Variants in FGFR3 observed in about 807,000 individuals in gnomAD.
FGFR3 encodes fibroblast growth factor receptor 3.
FGFR3 carries 25 observed loss-of-function variants against 82.9 expected under a neutral mutation model. The observed-to-expected ratio is 0.30, with a 90% CI of 0.22 to 0.42. The LOEUF (loss-of-function observed/expected upper bound fraction) is 0.42. FGFR3 is among the 10% of genes least tolerant of loss of function. The pLI is 1.00. For synonymous variants in FGFR3, 620 were observed against 516.0 expected (o/e 1.20, Z -2.73); for missense variants, 1,026 against 1,161.0 (o/e 0.88, Z 1.69).
In FGFR3 at chr4:1,804,813, G is replaced by A. The variant is rs1721671084; in HGVS notation, c.1267-11G>A. The A allele has an allele frequency of 6.5e-7, 1 of 1,549,450 alleles. No individual in the cohort carries two copies. Among genetic ancestry groups the A allele is most frequent in the Non-Finnish European group, 8.7e-7 (1 of 1,146,928 alleles). On this transcript the variant is annotated splice_polypyrimidine_tract_variant and intron_variant, in intron 9 of 17. Coordinates refer to ENST00000440486, the MANE Select transcript of FGFR3 (RefSeq NM_000142.5). ...CACGCGGCGCCAACCTGCCCCTGCTGACCCAAGCAGGTGTCCCTGGAGTCC... is the reference window on the plus strand; with the variant it reads ...CACGCGGCGCCAACCTGCCCCTGCTAACCCAAGCAGGTGTCCCTGGAGTCC...
At position 1,801,547 on chromosome 4, in the gene FGFR3, C is replaced by T. The variant is rs780810190; in HGVS notation, c.615+11C>T. ...ATTGGAGGCATCAAGGTGGGCGCGG[C>T]GGGGTGGCTCTGGGCCTGGCAGGCG... On this transcript the variant is annotated intron_variant, in intron 5 of 17. Transcript: ENST00000440486. 2.3e-5 allele frequency: 37 copies of T among 1,577,656 alleles called. No individual in the cohort carries two copies. Among genetic ancestry groups the T allele is most frequent in the Middle Eastern group, 1.7e-4 (1 of 6,018 alleles).
chr4:1,795,279 T>C (rs1230432951), intron 2 of FGFR3, among the ~76,000 whole-genome samples: 1 of 152,046 alleles, frequency 6.6e-6, no homozygotes, highest in Non-Finnish European at 1.5e-5. Flanking sequence ...GGCTTTCGCA[T>C]TCTCATTCAG....
Position 1,794,019 on chromosome 4 carries a change from C to A in FGFR3, c.85C>A (p.Gln29Lys). The A allele has an allele frequency of 7.0e-7, 1 of 1,420,264 alleles. No homozygotes were observed. The highest frequency in any genetic ancestry group is 9.3e-7 in the Non-Finnish European group (1 of 1,075,234). The allele number at this position is 1,420,264 out of a possible 1,614,324, so 88.0% of individuals were successfully genotyped here. Reference protein sequence around the residue: ...GASSESLGTEQRVVGRAAEVP... With the variant: ...GASSESLGTEKRVVGRAAEVP... The stretch of plus-strand genomic sequence containing the variant: ...CTCCTCGGAGTCCTTGGGGACGGAG[C>A]AGCGCGTCGTGGGGCGAGCGGCAGG... Residue 29 changes from glutamine (Q) to lysine (K), a missense_variant, in exon 2 of 18, where the codon CAG becomes AAG. Physicochemically the swap from Gln to Lys is moderately conservative, Grantham distance 53 (BLOSUM62 1). Transcript: ENST00000440486.
chr4:1,807,487 G>A lies in FGFR3; in HGVS notation c.*225G>A, dbSNP rs768684592. Reference sequence around the variant, plus strand: ...GTGCAGAGGTACCCTGGGTGTCCCCGCTGCTGTGCAACGGTCTCCTGACTG... The same window carrying A: ...GTGCAGAGGTACCCTGGGTGTCCCCACTGCTGTGCAACGGTCTCCTGACTG... On this transcript the variant is annotated 3_prime_UTR_variant, in exon 18 of 18. Coordinates refer to ENST00000440486, the MANE Select transcript of FGFR3 (RefSeq NM_000142.5). 6 of 738,330 alleles carry A rather than the reference G, an allele frequency of 8.1e-6. No homozygotes were observed. The highest frequency in any genetic ancestry group is 5.2e-5 in the African/African-American group (3 of 57,900). 45.7% of individuals were successfully genotyped at this position (738,330 alleles called of 1,614,324 possible).
chr4:1,803,124 G>GCGCCCTGCA, intron 7 of FGFR3: 20 of 1,462,038 alleles, frequency 1.4e-5, no homozygotes, highest in Non-Finnish European at 1.7e-5. Flanking sequence ...CCCTGGCCGC[G>GCGCCCTGCA]CGCCCTGCAC....
chr4:1,804,614 C>T, intron 9 of FGFR3, 94 bp downstream of exon 9: 2 of 1,545,766 alleles, frequency 1.3e-6, no homozygotes, highest in East Asian at 2.2e-5. Flanking sequence ...CTGTGTGAGC[C>T]CTCTCTGCAG....
At chr4:1,799,716 G>T (rs779411548) in intron 3 of FGFR3, 31 bp from the exon 4 acceptor site, 1 of 1,611,862 alleles carries the variant, frequency 6.2e-7, no homozygotes, top group Non-Finnish European at 8.5e-7. Flanking sequence ...GGGCAGGTTG[G>T]GCATTGGTTG....
At chr4:1,805,028 G>C (rs2108800794) in intron 10 of FGFR3, 59 bp downstream of exon 10, 1 of 1,501,182 alleles carries the variant, frequency 6.7e-7, no homozygotes, top group Middle Eastern at 2.2e-4. Flanking sequence ...GGGTGAAACA[G>C]CCACCAGTCA....
rs1360883453 is a variant in FGFR3 at position 1,808,628 on chromosome 4, G to A, written c.*1366G>A. 6 of 231,228 alleles carry A rather than the reference G, an allele frequency of 2.6e-5. No individual in the cohort carries two copies. The highest frequency in any genetic ancestry group is 1.1e-4 in the African/African-American group (5 of 45,122). The allele number at this position is 231,228 out of a possible 1,614,324, so 14.3% of individuals were successfully genotyped here. A position where few individuals can be genotyped will look rare whatever the true frequency, so the allele number is the denominator to read the frequency against. ...TACGCAATGCTTCTAGAGTTTTATA[G>A]CCTGGACTGCTACCTTTCAAAGCTT... is the stretch of plus-strand genomic sequence containing the variant. On this transcript the variant is annotated 3_prime_UTR_variant, in exon 18 of 18. Coordinates refer to ENST00000440486, the MANE Select transcript of FGFR3 (RefSeq NM_000142.5).
chr4:1,807,788 G>A lies in FGFR3; in HGVS notation c.*526G>A, dbSNP rs969831438. 1.5e-5 allele frequency: 8 copies of A among 524,480 alleles called. No homozygotes were observed. Among genetic ancestry groups the A allele is most frequent in the Non-Finnish European group, 2.6e-5 (7 of 272,182 alleles). The allele number at this position is 524,480 out of a possible 1,614,324, so 32.5% of individuals were successfully genotyped here. ...TTCCCACTTCCCACCCTGCCCCTCA[G>A]AGACTGAAATTACGGGTACCTGAAG... On this transcript the variant is annotated 3_prime_UTR_variant, in exon 18 of 18. Coordinates refer to ENST00000440486, the MANE Select transcript of FGFR3 (RefSeq NM_000142.5).
rs753484067 is a variant in FGFR3 at position 1,804,993 on chromosome 4, T to C, written c.1412+24T>C. ...CGGTCAGTGGTGCTGAGGGCCAGCGTTGGCTGTAGGGGGCTTGGTGGTGGG... is the reference window on the plus strand; with the variant it reads ...CGGTCAGTGGTGCTGAGGGCCAGCGCTGGCTGTAGGGGGCTTGGTGGTGGG... On this transcript the variant is annotated intron_variant, in intron 10 of 17. Transcript: ENST00000440486. The C allele has an allele frequency of 3.9e-6, 6 of 1,537,364 alleles. No homozygotes were observed. In the Admixed American group the frequency reaches 9.9e-5, roughly 25 times the overall value.
intron 2 of FGFR3, among the ~76,000 whole-genome samples, chr4:1,797,702 A>C (rs918459096): frequency 6.6e-6 from 1 of 152,172 alleles, no homozygotes; most frequent in Non-Finnish European, 1.5e-5. Flanking sequence ...GCTGGAGGTC[A>C]GGCCAGGAGC....
At chr4:1,797,442 A>C (rs1034821431) in intron 2 of FGFR3, among the ~76,000 whole-genome samples, 2 of 152,158 alleles carry the variant, frequency 1.3e-5, no homozygotes, top group African/African-American at 2.4e-5. Flanking sequence ...GCAGATGGCC[A>C]CTGGTGTGGC....
rs1269493186 is a variant in FGFR3, at chr4:1,805,733, G to A, written c.1646-17G>A. 16 of 1,612,146 alleles carry A rather than the reference G, an allele frequency of 9.9e-6. No homozygotes were observed. The Middle Eastern group carries it at 5.0e-4, about 50-fold the overall frequency. On this transcript the variant is annotated splice_polypyrimidine_tract_variant and intron_variant, in intron 12 of 17. Coordinates refer to ENST00000440486, the MANE Select transcript of FGFR3 (RefSeq NM_000142.5). ...CTCCTGGGCCTGGCAGCCCGTCTGA[G>A]GAGCCCGTGTCCCCAGGGCCCCTGT... is the stretch of plus-strand genomic sequence containing the variant.
At position 1,805,472 on chromosome 4, in the gene FGFR3, G is replaced by T; in HGVS notation, c.1530G>T (p.Leu510=). 6.2e-7 allele frequency: 1 copy of T among 1,612,222 alleles called. No individual in the cohort carries two copies. Among genetic ancestry groups the T allele is most frequent in the Non-Finnish European group, 8.5e-7 (1 of 1,179,510 alleles). ...AKPVTVAVKM[L]KDDATDKDLS... ...CTGTCACCGTAGCCGTGAAGATGCT[G>T]AAAGGTGAGGAGGGGGCGGCCAGGG... is the stretch of plus-strand genomic sequence containing the variant. Residue 510 remains leucine, a synonymous_variant, in exon 11 of 18, where the codon CTG becomes CTT. Transcript: ENST00000440486.
intron 2 of FGFR3, among the ~76,000 whole-genome samples, chr4:1,798,312 T>A (rs1336586990): frequency 6.6e-6 from 1 of 151,798 alleles, no homozygotes; most frequent in Non-Finnish European, 1.5e-5. Context: ...GGTCGTCCTC[T>A]GTGAGGGGGC....
chr4:1,803,300 TGCCCACCGGGCCG>T, intron 7 of FGFR3: 3 of 532,190 alleles, frequency 5.6e-6, no homozygotes, highest in Non-Finnish European at 9.5e-6. Flanking sequence ...AGGTGCCCGG[TGCCCACCGGGCCG>T]GCTCCGTGCC....
At position 1,807,400 on chromosome 4, in the gene FGFR3, CGTGTGTGTGT is replaced by C. The variant is rs34562534; in HGVS notation, c.*148_*157del. 24 of 886,222 alleles carry C rather than the reference CGTGTGTGTGT, an allele frequency of 2.7e-5. No homozygotes were observed. Among genetic ancestry groups the C allele is most frequent in the Middle Eastern group, 2.9e-4 (1 of 3,498 alleles). 54.9% of individuals were successfully genotyped at this position (886,222 alleles called of 1,614,324 possible). On this transcript the variant is annotated 3_prime_UTR_variant, in exon 18 of 18. Transcript: ENST00000440486. ...GCTTTGGTCTGTGTGTGTGTGTGTGCGTGTGTGTGTGTGTGTGTGCACATCCGCGTGTGCC... is the reference window on the plus strand; with the variant it reads ...GCTTTGGTCTGTGTGTGTGTGTGTGCGTGTGTGTGCACATCCGCGTGTGCC...
At position 1,803,889 on chromosome 4, in the gene FGFR3, C is replaced by T. The variant is rs985500040; in HGVS notation, c.1075+53C>T. ...CCGCACTGTCTGGGGGACGCTGGCTCGGGACACGCCAAAGCTGCCAGGACG... is the reference window on the plus strand; with the variant it reads ...CCGCACTGTCTGGGGGACGCTGGCTTGGGACACGCCAAAGCTGCCAGGACG... On this transcript the variant is annotated intron_variant, in intron 8 of 17. Coordinates refer to ENST00000440486, the MANE Select transcript of FGFR3 (RefSeq NM_000142.5). The T allele has an allele frequency of 1.2e-5, 19 of 1,572,962 alleles. No homozygotes were observed. In the East Asian group the frequency reaches 1.3e-4, roughly 11 times the overall value.
Sources: allele counts gnomAD v4.1 joint callset (sites outside exome capture counted in the v4.1 genomes callset), GRCh38; gene constraint gnomAD v4.1.1; transcripts MANE v1.5; gene names NCBI Gene and HGNC (gene_info 2026-07-23, HGNC 2026-07-21).